ANKRD46: variants seen among roughly 807,000 people sequenced by gnomAD.
ANKRD46 encodes ankyrin repeat domain-containing protein 46.
A neutral mutation model predicts 19.8 loss-of-function variants in ANKRD46; 13 were observed. That is an observed-to-expected ratio of 0.66 (90% confidence interval 0.43 to 1.04). ANKRD46 has a LOEUF of 1.04. Ranked by LOEUF, ANKRD46 falls within the 50% of genes least tolerant of loss-of-function variation. The pLI is 0.00. For synonymous variants in ANKRD46, 91 were observed against 106.9 expected (o/e 0.85, Z 0.92); for missense variants, 185 against 274.8 (o/e 0.67, Z 2.31).
At chr8:100,513,756 C>T (rs1811584921) in intron 5 of ANKRD46, among the ~76,000 whole-genome samples, 1 of 152,166 alleles carries the variant, frequency 6.6e-6, no homozygotes, top group African/African-American at 2.4e-5. Flanking sequence ...TGCAAAAGCA[C>T]TTTTGGGGTT....
At chr8:100,538,760 G>A (rs1812116185) in intron 1 of ANKRD46, among the ~76,000 whole-genome samples, 1 of 152,158 alleles carries the variant, frequency 6.6e-6, no homozygotes, top group Admixed American at 6.5e-5. Context: ...GCTTGGAGAG[G>A]TGGGAAAAGT....
chr8:100,538,193 T>G (rs753764464), intron 1 of ANKRD46, among the ~76,000 whole-genome samples: 1 of 151,964 alleles, frequency 6.6e-6, no homozygotes, highest in Non-Finnish European at 1.5e-5. Context: ...TTTTTTCTTA[T>G]GACTAGTTCT....
At chr8:100,512,902 G>A (rs1048416809) in intron 5 of ANKRD46, among the ~76,000 whole-genome samples, 1 of 152,118 alleles carries the variant, frequency 6.6e-6, no homozygotes, top group African/African-American at 2.4e-5. Flanking sequence ...TGGCTGGTTC[G>A]GGGGTTAGAA....
chr8:100,525,031 A>G lies in ANKRD46; in HGVS notation c.471-2260T>C, dbSNP rs1487955132. 6.6e-6 allele frequency among the ~76,000 whole-genome samples: 1 copy of G among 152,108 alleles called. No individual in the cohort carries two copies. The highest frequency in any genetic ancestry group is 1.5e-5 in the Non-Finnish European group (1 of 68,000). On this transcript the variant is annotated intron_variant, in intron 4 of 4. Transcript: ENST00000335659. This position sits in a 1 kb window ranked among gnomAD's most constrained non-coding sequence, Gnocchi z 4.4. Reference sequence around the variant, plus strand: ...AAAAAGGAATTAAACTTAGAGTTATATGGAGGAGTGGGGAAATATTTTTCA... The same window carrying G: ...AAAAAGGAATTAAACTTAGAGTTATGTGGAGGAGTGGGGAAATATTTTTCA...
In ANKRD46 at chr8:100,550,265, T is replaced by C. The variant is rs1812357309; in HGVS notation, c.-131+9446A>G. Among the ~76,000 whole-genome samples, 2 of 152,210 alleles carry C rather than the reference T, an allele frequency of 1.3e-5. No homozygotes were observed. On this transcript the variant is annotated intron_variant, in intron 1 of 4. Transcript: ENST00000335659. This position sits in a 1 kb window ranked among gnomAD's most constrained non-coding sequence, Gnocchi z 4.4. ...TTGTCTCCCAAAGTAGCTGTACCAT[T>C]TGGCATTCCCACTAGCAATGAATAA...
intron 1 of ANKRD46, among the ~76,000 whole-genome samples, chr8:100,548,268 C>A (rs913234674): frequency 2.0e-5 from 3 of 152,048 alleles, no homozygotes; most frequent in African/African-American, 7.3e-5. Flanking sequence ...TTCCTGCCTA[C>A]CTCTCCAAAT....
downstream of ANKRD46, among the ~76,000 whole-genome samples, chr8:100,518,080 C>G (rs1219577014): frequency 6.6e-6 from 1 of 152,056 alleles, no homozygotes; most frequent in Non-Finnish European, 1.5e-5. Context: ...AATCCCAGCT[C>G]CTAGGGAGGC....
In ANKRD46 at chr8:100,547,047, C is replaced by T. The variant is rs939276270; in HGVS notation, c.-131+12664G>A. Among the ~76,000 whole-genome samples the T allele has an allele frequency of 1.2e-4, 18 of 152,124 alleles. No homozygotes were observed. In the East Asian group the frequency reaches 1.9e-3, roughly 16 times the overall value. ...CAGACTCATAGGTGGAAGAGACTTG[C>T]CTTGTCTCAGATGAGACTTTGGACT... On this transcript the variant is annotated intron_variant, in intron 1 of 4. Transcript: ENST00000335659.
At chr8:100,553,072 G>A (rs1052611626) in intron 1 of ANKRD46, among the ~76,000 whole-genome samples, 1 of 152,340 alleles carries the variant, frequency 6.6e-6, no homozygotes, top group Middle Eastern at 3.4e-3. Flanking sequence ...CCAGGCCTAA[G>A]AAATCTCATG....
intron 5 of ANKRD46, among the ~76,000 whole-genome samples, chr8:100,513,908 T>A (rs1489175487): frequency 6.6e-6 from 1 of 152,248 alleles, no homozygotes; most frequent in Non-Finnish European, 1.5e-5. Flanking sequence ...TCTGTGCCAG[T>A]GACCTAGAAA....
In ANKRD46 at chr8:100,521,909, G is replaced by T. The variant is rs535774510; in HGVS notation, c.*646C>A. ...TAACAAGCAAAGCAGTTTACAAAAA[G>T]ATCAAAAATTATCCTAAAAACAAAT... On this transcript the variant is annotated 3_prime_UTR_variant, in exon 5 of 5. Coordinates refer to ENST00000335659, the MANE Select transcript of ANKRD46 (RefSeq NM_001270377.2). 8.3e-5 allele frequency: 82 copies of T among 983,870 alleles called. No homozygotes were observed. The highest frequency in any genetic ancestry group is 1.1e-4 in the East Asian group (1 of 8,818). The allele number at this position is 983,870 out of a possible 1,614,324, so 60.9% of individuals were successfully genotyped here.
At chr8:100,514,433 C>G (rs113296689) in intron 5 of ANKRD46, among the ~76,000 whole-genome samples, 2,435 of 151,894 alleles carry the variant, frequency 0.016, 72 homozygotes, top group African/African-American at 0.056. Flanking sequence ...TAGGTCAGAG[C>G]TTACGTTTAA....
chr8:100,518,280 A>G (rs1447411802), downstream of ANKRD46, among the ~76,000 whole-genome samples: 3 of 152,236 alleles, frequency 2.0e-5, no homozygotes, highest in Admixed American at 2.0e-4. Flanking sequence ...TTTCACATAA[A>G]TTATGTAATA....
intron 1 of ANKRD46, among the ~76,000 whole-genome samples, chr8:100,540,060 G>A (rs1812145656): frequency 6.6e-6 from 1 of 152,150 alleles, no homozygotes. Flanking sequence ...GGCAACATTT[G>A]AGATACACAG....
intron 5 of ANKRD46, among the ~76,000 whole-genome samples, chr8:100,514,371 T>TA (rs1205630219): frequency 1.3e-5 from 2 of 151,956 alleles, no homozygotes; most frequent in South Asian, 2.1e-4. Flanking sequence ...TATCTATTTT[T>TA]AAAAAAAAAA....
chr8:100,535,712 T>C (rs1812052053), intron 1 of ANKRD46, among the ~76,000 whole-genome samples: 2 of 152,330 alleles, frequency 1.3e-5, no homozygotes, highest in Middle Eastern at 6.8e-3. Flanking sequence ...TGGAGATTCA[T>C]CCAGGGTAGC....
intron 1 of ANKRD46, chr8:100,551,298 G>T: frequency 1.9e-6 from 1 of 515,092 alleles, no homozygotes. Flanking sequence ...GCTGTTTTCA[G>T]ACTTCTCAGG....
In ANKRD46 at chr8:100,537,687, T is replaced by C. The variant is rs941695674; in HGVS notation, c.-130-4376A>G. Among the ~76,000 whole-genome samples, 5 of 152,206 alleles carry C rather than the reference T, an allele frequency of 3.3e-5. No homozygotes were observed. The highest frequency in any genetic ancestry group is 1.2e-4 in the African/African-American group (5 of 41,448). On this transcript the variant is annotated intron_variant, in intron 1 of 4. Transcript: ENST00000335659. The surrounding 1 kb of genome is among the most constrained non-coding windows in gnomAD (Gnocchi z 4.2). Reference sequence around the variant, plus strand: ...AGATACTGGGCAAGGAAAAATGCCATGTTGAAAAGAAATTTAGCTGTGAGC... The same window carrying C: ...AGATACTGGGCAAGGAAAAATGCCACGTTGAAAAGAAATTTAGCTGTGAGC...
intron 1 of ANKRD46, among the ~76,000 whole-genome samples, chr8:100,549,296 C>T (rs967498706): frequency 2.6e-5 from 4 of 151,502 alleles, no homozygotes; most frequent in African/African-American, 9.7e-5. Flanking sequence ...GTTAAATGTT[C>T]AACACATTTG....
Sources: allele counts gnomAD v4.1 joint callset (sites outside exome capture counted in the v4.1 genomes callset), GRCh38; gene constraint gnomAD v4.1.1; non-coding constraint Gnocchi (gnomAD v3.1); transcripts MANE v1.5; gene names NCBI Gene and HGNC (gene_info 2026-07-23, HGNC 2026-07-21).